Variants in EHMT2 observed in about 807,000 individuals in gnomAD.
EHMT2 encodes euchromatic histone lysine methyltransferase 2, also known as histone-lysine N-methyltransferase EHMT2.
A neutral mutation model predicts 143.3 loss-of-function variants in EHMT2; 59 were observed. The ratio of observed to expected loss-of-function variants is 0.41; its 90% confidence interval spans 0.33 to 0.51. The LOEUF (loss-of-function observed/expected upper bound fraction) is 0.51. Ranked by LOEUF, EHMT2 falls within the 20% of genes least tolerant of loss-of-function variation. The probability of loss-of-function intolerance (pLI) is 0.18; values close to 1 mark genes in which losing one functional copy is unlikely to be tolerated. For missense variants in EHMT2, 1,174 were observed against 1,645.9 expected (o/e 0.71, Z 4.96); for synonymous variants, 604 against 651.5 (o/e 0.93, Z 1.11).
chr6:31,891,868 G>A (rs1765732831), intron 7 of EHMT2, among the ~76,000 whole-genome samples: 1 of 151,610 alleles, frequency 6.6e-6, no homozygotes, highest in African/African-American at 2.4e-5. Context: ...TTCATTAGCT[G>A]ATTAAAAAAA....
intron 7 of EHMT2, among the ~76,000 whole-genome samples, chr6:31,890,377 CT>C (rs1344218030): frequency 3.3e-5 from 5 of 151,984 alleles, no homozygotes; most frequent in African/African-American, 4.8e-5. Flanking sequence ...TTGCCTCAGC[CT>C]CCTGAGTAGC....
chr6:31,889,326 C>T lies in EHMT2; in HGVS notation c.1016G>A (p.Arg339Gln), dbSNP rs150258444. Residue 339 changes from arginine (R) to glutamine (Q), a missense_variant, in exon 9 of 28, where the codon CGG (arginine) becomes CAG (glutamine). By Grantham distance (43) the Arg-to-Gln change is conservative (BLOSUM62 1). Around this residue, in one of 6 missense-constraint regions of EHMT2, gnomAD observed 608 missense variants for 903.7 expected, o/e 0.67. Transcript: ENST00000375537. The surrounding 1 kb of genome is among the most constrained non-coding windows in gnomAD (Gnocchi z 5.1). ...TCGCCATTTCTTCTTGGCCTTGCGC[C>T]GGCCACTGGAACCACTCTGGGAAGG... The T allele has an allele frequency of 2.5e-6, 4 of 1,612,086 alleles. No homozygotes were observed. Among genetic ancestry groups the T allele is most frequent in the East Asian group, 2.2e-5 (1 of 44,866 alleles).
chr6:31,894,675 C>A (rs1269668040), intron 4 of EHMT2, among the ~76,000 whole-genome samples: 2 of 152,096 alleles, frequency 1.3e-5, no homozygotes, highest in Non-Finnish European at 2.9e-5. Context: ...TAGAATTGTG[C>A]TATTTTTTTT....
At chr6:31,890,549 G>A (rs1765549663) in intron 7 of EHMT2, among the ~76,000 whole-genome samples, 1 of 147,252 alleles carries the variant, frequency 6.8e-6, no homozygotes, top group African/African-American at 2.5e-5. Flanking sequence ...CCACGCCTGG[G>A]CCAAAAAATT....
chr6:31,887,048 G>A (rs1764957695), exon 16 of EHMT2: 2 of 1,613,406 alleles, frequency 1.2e-6, no homozygotes, highest in Admixed American at 3.3e-5. Flanking sequence ...GCTGCATGCA[G>A]GGGCGTGCGC....
chr6:31,895,948 C>A, intron 4 of EHMT2: 1 of 305,802 alleles, frequency 3.3e-6, no homozygotes, highest in Non-Finnish European at 6.0e-6. Flanking sequence ...ATGAGTTCCC[C>A]AAGGGCTTGC....
At chr6:31,897,252 C>A in intron 1 of EHMT2, 4 of 1,040,222 alleles carry the variant, frequency 3.8e-6, no homozygotes, top group Non-Finnish European at 2.5e-6. Context: ...CTCCGCGCCC[C>A]GGCCCCGCCC....
At position 31,887,662 on chromosome 6, in the gene EHMT2, G is replaced by A; in HGVS notation, c.1929-3C>T. The A allele has an allele frequency of 6.2e-7, 1 of 1,612,746 alleles. No individual in the cohort carries two copies. The highest frequency in any genetic ancestry group is 8.5e-7 in the Non-Finnish European group (1 of 1,179,976). ...GGTGGAAACGGAGCTTCTTCCGCCT[G>A]CCAAGGGAGCACGGGAGCGGGGAGA... On this transcript the variant is annotated splice_region_variant and splice_polypyrimidine_tract_variant and intron_variant, in intron 14 of 27. Transcript: ENST00000375537.
rs750635634 is a variant in EHMT2, at chr6:31,888,564, G to A, written c.1365+35C>T. On this transcript the variant is annotated intron_variant, in intron 11 of 27. Coordinates refer to ENST00000375537, the Ensembl canonical transcript of EHMT2. This position sits in a 1 kb window ranked among gnomAD's most constrained non-coding sequence, Gnocchi z 7.4. Reference sequence around the variant, plus strand: ...GTGAGGCTGGGGCCGGGGACTGGACGCCCTGGCACCTCTCCCACCAGCCCA... The same window carrying A: ...GTGAGGCTGGGGCCGGGGACTGGACACCCTGGCACCTCTCCCACCAGCCCA... 2.4e-5 allele frequency: 38 copies of A among 1,609,198 alleles called. No individual in the cohort carries two copies. Among genetic ancestry groups the A allele is most frequent in the Non-Finnish European group, 2.8e-5 (33 of 1,178,502 alleles).
chr6:31,886,351 T>C (rs1309002750), intron 18 of EHMT2: 2 of 557,722 alleles, frequency 3.6e-6, no homozygotes, highest in Non-Finnish European at 6.3e-6. Context: ...AAAGCCTCAC[T>C]GGACACTTTC....
Position 31,884,614 on chromosome 6 carries a change from CA to C in EHMT2, c.2603+30del. ...GGTCTGAGGCTGCAAGAAGTGGGGG[CA>C]GGGGCATCAAGGGCGGGGCAGGGGC... On this transcript the variant is annotated intron_variant, in intron 20 of 27. Coordinates refer to ENST00000375537, the Ensembl canonical transcript of EHMT2. This position sits in a 1 kb window ranked among gnomAD's most constrained non-coding sequence, Gnocchi z 7.3. 1 of 1,602,560 alleles carries C rather than the reference CA, an allele frequency of 6.2e-7. No homozygotes were observed. Among genetic ancestry groups the C allele is most frequent in the Non-Finnish European group, 8.5e-7 (1 of 1,172,830 alleles).
At chr6:31,897,656 C>T in exon 1 of EHMT2, 1 of 1,167,670 alleles carries the variant, frequency 8.6e-7, no homozygotes, top group Middle Eastern at 3.4e-4. Context: ...GCCGCCGCTG[C>T]AGCTCCCGCC....
exon 18 of EHMT2, chr6:31,886,603 C>G (rs1453728653): frequency 6.2e-7 from 1 of 1,613,126 alleles, no homozygotes; most frequent in Non-Finnish European, 8.5e-7. Context: ...GTCCACCTGT[C>G]CTGTGCTCAG....
At position 31,889,767 on chromosome 6, in the gene EHMT2, T is replaced by C. The variant is rs145203567; in HGVS notation, c.865-165A>G. Among the ~76,000 whole-genome samples the C allele has an allele frequency of 0.01, 1,537 of 152,116 alleles. 23 individuals are homozygous for C. Among genetic ancestry groups the C allele is most frequent in the African/African-American group, 0.032 (1,327 of 41,476 alleles). On this transcript the variant is annotated intron_variant, in intron 7 of 27. Transcript: ENST00000375537. The surrounding 1 kb of genome is among the most constrained non-coding windows in gnomAD (Gnocchi z 5.1). ...AAGGGCCACATAAAGAGAGGGTGCA[T>C]GGAATATTACACAGCAGTGAAAAAG... is the stretch of plus-strand genomic sequence containing the variant.
intron 25 of EHMT2, among the ~76,000 whole-genome samples, chr6:31,882,325 C>A (rs916931576): frequency 1.3e-5 from 2 of 152,042 alleles, no homozygotes; most frequent in African/African-American, 2.4e-5. Flanking sequence ...GGTTAAGTAA[C>A]TTGGCCAAGA....
At position 31,880,269 on chromosome 6, in the gene EHMT2, C is replaced by T. The variant is rs200543120; in HGVS notation, c.3453-5G>A. 8.7e-4 allele frequency: 1,396 copies of T among 1,607,310 alleles called. 1 individual carries two copies. Among genetic ancestry groups the T allele is most frequent in the Admixed American group, 1.6e-3 (94 of 59,928 alleles). On this transcript the variant is annotated splice_polypyrimidine_tract_variant and splice_region_variant and intron_variant, in intron 27 of 27. Coordinates refer to ENST00000375537, the Ensembl canonical transcript of EHMT2. This position sits in a 1 kb window ranked among gnomAD's most constrained non-coding sequence, Gnocchi z 6.6. ...AAGCGGTCGCCATAGTCAAACCTGT[C>T]AGAGGAAAACAGGAGCTTGTGGGAC...
rs576497990 is a variant in EHMT2, at chr6:31,889,503, C to T, written c.964G>A (p.Glu322Lys). Residue 322 changes from glutamate (E) to lysine (K), a missense_variant, in exon 8 of 28, where the codon GAG becomes AAG. By Grantham distance (56) the Glu-to-Lys change is moderately conservative (BLOSUM62 1). This residue lies in a region of EHMT2 where 608 missense variants were observed against 903.7 expected (regional missense o/e 0.67). Coordinates refer to ENST00000375537, the Ensembl canonical transcript of EHMT2. This position sits in a 1 kb window ranked among gnomAD's most constrained non-coding sequence, Gnocchi z 5.1. ...TGATTCCCTGACTCCTCATCTTCCT[C>T]TTCTTCTTCCTCTTCCTCCTCCTCT... is the stretch of plus-strand genomic sequence containing the variant. The T allele has an allele frequency of 6.2e-7, 1 of 1,612,086 alleles. No individual in the cohort carries two copies. The highest frequency in any genetic ancestry group is 2.2e-5 in the East Asian group (1 of 44,884).
Position 31,889,356 on chromosome 6 carries a change from G to A in EHMT2, c.1000-14C>T, listed in dbSNP as rs775145962. 3.1e-6 allele frequency: 5 copies of A among 1,611,086 alleles called. No individual in the cohort carries two copies. Among genetic ancestry groups the A allele is most frequent in the Middle Eastern group, 1.6e-4 (1 of 6,084 alleles). Reference sequence around the variant, plus strand: ...ACTGGAACCACTCTGGGAAGGGGGAGGAGGAGGAGTTAGGAACCCTCACCC... The same window carrying A: ...ACTGGAACCACTCTGGGAAGGGGGAAGAGGAGGAGTTAGGAACCCTCACCC... On this transcript the variant is annotated splice_polypyrimidine_tract_variant and intron_variant, in intron 8 of 27. Transcript: ENST00000375537. This position sits in a 1 kb window ranked among gnomAD's most constrained non-coding sequence, Gnocchi z 5.1.
chr6:31,882,419 G>A (rs73728988), intron 25 of EHMT2, among the ~76,000 whole-genome samples: 1 of 152,148 alleles, frequency 6.6e-6, no homozygotes, highest in African/African-American at 2.4e-5. Flanking sequence ...GGGCGAGGAG[G>A]GGGTGGAGGG....
Sources: allele counts gnomAD v4.1 joint callset (sites outside exome capture counted in the v4.1 genomes callset), GRCh38; gene constraint gnomAD v4.1.1; regional missense constraint gnomAD v4.1.1; non-coding constraint Gnocchi (gnomAD v3.1); transcripts MANE v1.5; gene names NCBI Gene and HGNC (gene_info 2026-07-23, HGNC 2026-07-21).